The following MACROD2 variants were observed in gnomAD, a reference collection of about 807,000 sequenced individuals.
MACROD2 encodes the protein ADP-ribose glycohydrolase MACROD2.
In MACROD2, 36 loss-of-function variants were observed where a neutral mutation model predicts 70.4. The ratio of observed to expected loss-of-function variants is 0.51; its 90% confidence interval spans 0.39 to 0.68. The LOEUF is 0.68. Among genes scored for constraint, MACROD2 ranks in the 30% least tolerant of loss-of-function variants. The pLI is 0.00. For missense variants in MACROD2, 496 were observed against 538.4 expected (o/e 0.92, Z 0.78); for synonymous variants, 172 against 178.8 (o/e 0.96, Z 0.30).
intron 8 of MACROD2, among the ~76,000 whole-genome samples, chr20:15,689,976 G>T (rs1600763791): frequency 1.3e-5 from 2 of 152,294 alleles, no homozygotes; most frequent in African/African-American, 4.8e-5. Flanking sequence ...TCACAATCAG[G>T]CTGTGAGAAT....
chr20:15,929,238 A>G (rs1441213736), intron 10 of MACROD2, among the ~76,000 whole-genome samples: 1 of 152,166 alleles, frequency 6.6e-6, no homozygotes, highest in African/African-American at 2.4e-5. Flanking sequence ...CCTTAAGCCA[A>G]GAGCTACAGG....
At position 15,573,636 on chromosome 20, in the gene MACROD2, G is replaced by A. The variant is rs537312519; in HGVS notation, c.645+73789G>A. Among the ~76,000 whole-genome samples the A allele has an allele frequency of 2.0e-5, 3 of 152,244 alleles. No individual in the cohort carries two copies. The East Asian group carries it at 5.8e-4, about 29-fold the overall frequency. ...CTTATCTGCTAGGTAAATCTGAAAT[G>A]TGTTAAAGTGATTTTACCTAAGCCA... On this transcript the variant is annotated intron_variant, in intron 8 of 17. Coordinates refer to ENST00000684519, the MANE Select transcript of MACROD2 (RefSeq NM_001351661.2).
In MACROD2 at chr20:16,009,368, C is replaced by T. The variant is rs141736140; in HGVS notation, c.1153+22210C>T. Among the ~76,000 whole-genome samples the T allele has an allele frequency of 7.9e-3, 1,201 of 152,242 alleles. 8 individuals carry two copies. Among genetic ancestry groups the T allele is most frequent in the Middle Eastern group, 0.014 (4 of 294 alleles). On this transcript the variant is annotated intron_variant, in intron 15 of 17. Coordinates refer to ENST00000684519, the MANE Select transcript of MACROD2 (RefSeq NM_001351661.2). ...CCCTCAGCTTAAGGATTTAAAGTTT[C>T]GAGATTTATCATTAATTTTATCCCC...
intron 8 of MACROD2, among the ~76,000 whole-genome samples, chr20:15,814,775 A>G (rs1265040017): frequency 6.6e-6 from 1 of 152,200 alleles, no homozygotes; most frequent in East Asian, 1.9e-4. Flanking sequence ...TTTCTTCAAT[A>G]TCCATCACAG....
At chr20:14,491,036 T>G (rs1452632590) in intron 3 of MACROD2, among the ~76,000 whole-genome samples, 2 of 152,150 alleles carry the variant, frequency 1.3e-5, no homozygotes, top group Non-Finnish European at 2.9e-5. Flanking sequence ...TTGGAGATAA[T>G]GAAGTAGAAA....
intron 5 of MACROD2, among the ~76,000 whole-genome samples, chr20:14,769,144 C>T (rs2072131940): frequency 6.6e-6 from 1 of 152,014 alleles, no homozygotes; most frequent in Non-Finnish European, 1.5e-5. Context: ...CGGAAAGCTT[C>T]CCTCTCAGTG....
chr20:15,823,365 C>A lies in MACROD2; in HGVS notation c.646-39380C>A, dbSNP rs1303440343. Among the ~76,000 whole-genome samples, 3 of 150,040 alleles carry A rather than the reference C, an allele frequency of 2.0e-5. No individual in the cohort carries two copies. In the South Asian group the frequency reaches 6.3e-4, roughly 32 times the overall value. On this transcript the variant is annotated intron_variant, in intron 8 of 17. Coordinates refer to ENST00000684519, the MANE Select transcript of MACROD2 (RefSeq NM_001351661.2). ...AGCAAATCATATTTGCAAAATAAGA[C>A]CAATATCTGCTGAATAGAAAAGAGC...
chr20:15,336,282 T>G (rs1450921727), intron 6 of MACROD2, among the ~76,000 whole-genome samples: 1 of 151,314 alleles, frequency 6.6e-6, no homozygotes, highest in Non-Finnish European at 1.5e-5. Context: ...TAATAAACTG[T>G]TTTTTGGATT....
intron 3 of MACROD2, among the ~76,000 whole-genome samples, chr20:14,426,410 A>G (rs2083933199): frequency 6.6e-6 from 1 of 151,684 alleles, no homozygotes; most frequent in Non-Finnish European, 1.5e-5. Context: ...TTAATAATAG[A>G]TTTTTTTAAA....
At chr20:15,843,747 G>T (rs1015309069) in intron 8 of MACROD2, among the ~76,000 whole-genome samples, 1 of 152,154 alleles carries the variant, frequency 6.6e-6, no homozygotes, top group Non-Finnish European at 1.5e-5. Flanking sequence ...AGCATTATGT[G>T]CATGATCAGA....
At chr20:14,876,996 G>GA (rs1419481902) in intron 5 of MACROD2, among the ~76,000 whole-genome samples, 2 of 152,076 alleles carry the variant, frequency 1.3e-5, no homozygotes, top group African/African-American at 2.4e-5. Flanking sequence ...CTAATTCTGT[G>GA]AAAAATGATG....
Position 15,964,695 on chromosome 20 carries a change from A to G in MACROD2, c.908-2858A>G, listed in dbSNP as rs2066113436. 2.6e-5 allele frequency among the ~76,000 whole-genome samples: 4 copies of G among 152,202 alleles called. No homozygotes were observed. The South Asian group carries it at 8.3e-4, about 32-fold the overall frequency. ...GCTGCACTGCCACTTCAAACCTACAACTAAATATAATGTAATGAGATCCAT... is the reference window on the plus strand; with the variant it reads ...GCTGCACTGCCACTTCAAACCTACAGCTAAATATAATGTAATGAGATCCAT... On this transcript the variant is annotated intron_variant, in intron 12 of 17. Transcript: ENST00000684519.
chr20:15,422,664 C>T (rs1386393298), intron 6 of MACROD2, among the ~76,000 whole-genome samples: 1 of 152,184 alleles, frequency 6.6e-6, no homozygotes, highest in African/African-American at 2.4e-5. Context: ...AGTGCTGCTG[C>T]CTCCCATGTC....
chr20:14,621,894 C>T (rs1028206817), intron 4 of MACROD2: 5 of 152,038 alleles, frequency 3.3e-5, no homozygotes, highest in Admixed American at 2.0e-4. Flanking sequence ...GCAAAAAGAC[C>T]ACAGTCAGGC....
chr20:15,879,164 C>G (rs943284437), intron 9 of MACROD2, among the ~76,000 whole-genome samples: 5 of 152,070 alleles, frequency 3.3e-5, no homozygotes, highest in Admixed American at 2.0e-4. Context: ...GTATTTCTAT[C>G]ACTTTGGTAG....
intron 3 of MACROD2, among the ~76,000 whole-genome samples, chr20:14,211,689 A>G (rs942689195): frequency 4.6e-5 from 7 of 152,178 alleles, no homozygotes; most frequent in Non-Finnish European, 1.0e-4. Flanking sequence ...CAGCAGAGTG[A>G]GAGAGGTATT....
At chr20:14,200,304 A>G in intron 3 of MACROD2, among the ~76,000 whole-genome samples, 1 of 152,206 alleles carries the variant, frequency 6.6e-6, no homozygotes. Flanking sequence ...GCATGTTCTC[A>G]TAAGTGGGAG....
intron 8 of MACROD2, among the ~76,000 whole-genome samples, chr20:15,754,245 T>G (rs1174183286): frequency 6.6e-6 from 1 of 152,240 alleles, no homozygotes; most frequent in Non-Finnish European, 1.5e-5. Flanking sequence ...TGTGTTTTTA[T>G]CTTTCCTTTT....
intron 4 of MACROD2, among the ~76,000 whole-genome samples, chr20:14,623,257 A>G (rs1374193488): frequency 1.3e-5 from 2 of 152,066 alleles, no homozygotes; most frequent in Non-Finnish European, 2.9e-5. Flanking sequence ...TAACATGGAC[A>G]AGAATATACT....
Sources: allele counts gnomAD v4.1 joint callset (sites outside exome capture counted in the v4.1 genomes callset), GRCh38; gene constraint gnomAD v4.1.1; transcripts MANE v1.5; gene names NCBI Gene and HGNC (gene_info 2026-07-23, HGNC 2026-07-21).